HEMK2: variants seen among roughly 807,000 people sequenced by gnomAD.
HEMK2 encodes the protein methyltransferase HEMK2.
At chr21:28,730,915 G>A in the HEMK2 span, among the ~76,000 whole-genome samples, 34 of 152,148 alleles carry the variant, frequency 2.2e-4, no homozygotes, top group Middle Eastern at 3.4e-3. Flanking sequence ...GCAGCCCACC[G>A]TGACAGACAA....
the HEMK2 span, among the ~76,000 whole-genome samples, chr21:28,690,405 C>A: frequency 1.8e-3 from 268 of 152,318 alleles, 1 homozygote; most frequent in African/African-American, 6.2e-3. Context: ...AAGAGCCCAG[C>A]TGACCAGCAA....
chr21:28,680,162 A>G, the HEMK2 span, among the ~76,000 whole-genome samples: 1 of 152,210 alleles, frequency 6.6e-6, no homozygotes, highest in African/African-American at 2.4e-5. Flanking sequence ...AGCAAGACTA[A>G]TAAAGAAGAA....
chr21:28,642,524 T>A, the HEMK2 span, among the ~76,000 whole-genome samples: 2 of 152,176 alleles, frequency 1.3e-5, no homozygotes, highest in East Asian at 3.9e-4. Context: ...GATGGCCAAG[T>A]ACCAACCAGC....
chr21:28,831,694 G>A, the HEMK2 span, among the ~76,000 whole-genome samples: 122 of 72,118 alleles, frequency 1.7e-3, no homozygotes, highest in Middle Eastern at 7.6e-3. Context: ...AAGGAAGGAA[G>A]GAAGGAAGGA....
chr21:28,721,077 G>A, the HEMK2 span, among the ~76,000 whole-genome samples: 1 of 152,136 alleles, frequency 6.6e-6, no homozygotes, highest in Non-Finnish European at 1.5e-5. Context: ...AAATTGAGAT[G>A]TCGATTTCAG....
At chr21:28,610,516 A>C in the HEMK2 span, among the ~76,000 whole-genome samples, 2 of 152,202 alleles carry the variant, frequency 1.3e-5, no homozygotes, top group Non-Finnish European at 2.9e-5. Flanking sequence ...ATATTCAGGC[A>C]ACAAATAACA....
the HEMK2 span, among the ~76,000 whole-genome samples, chr21:28,783,919 G>A: frequency 2.0e-5 from 3 of 152,228 alleles, no homozygotes; most frequent in Non-Finnish European, 2.9e-5. Context: ...TGCAGAGGGT[G>A]CGCCAGGTCC....
chr21:28,777,991 A>T, the HEMK2 span, among the ~76,000 whole-genome samples: 2 of 152,258 alleles, frequency 1.3e-5, no homozygotes, highest in Non-Finnish European at 1.5e-5. Context: ...AGTAGTAGAA[A>T]AGAATTGTCA....
the HEMK2 span, among the ~76,000 whole-genome samples, chr21:28,688,363 T>C: frequency 1.2e-4 from 18 of 152,224 alleles, no homozygotes; most frequent in Non-Finnish European, 2.1e-4. Flanking sequence ...GAACAATTTA[T>C]AGGAAACATA....
At chr21:28,769,765 G>A in the HEMK2 span, among the ~76,000 whole-genome samples, 8 of 152,184 alleles carry the variant, frequency 5.3e-5, no homozygotes, top group East Asian at 1.6e-3. Flanking sequence ...AAGTTATCTA[G>A]GTTATCTTGG....
At chr21:28,640,686 C>T in the HEMK2 span, among the ~76,000 whole-genome samples, 1 of 149,322 alleles carries the variant, frequency 6.7e-6, no homozygotes, top group Admixed American at 6.7e-5. Context: ...GATGTCTGAT[C>T]TAGGCTTCAA....
At chr21:28,695,336 G>A in the HEMK2 span, among the ~76,000 whole-genome samples, 2 of 152,068 alleles carry the variant, frequency 1.3e-5, no homozygotes, top group Non-Finnish European at 2.9e-5. Flanking sequence ...GGTTGTGGGG[G>A]CAGATCTCTC....
the HEMK2 span, among the ~76,000 whole-genome samples, chr21:28,753,965 C>A: frequency 2.6e-5 from 4 of 152,120 alleles, no homozygotes; most frequent in South Asian, 8.3e-4. Context: ...GCTCTCTTTT[C>A]ATCTGTTTTT....
chr21:28,852,279 G>A, the HEMK2 span, among the ~76,000 whole-genome samples: 2 of 152,232 alleles, frequency 1.3e-5, no homozygotes, highest in Admixed American at 1.3e-4. Context: ...GCCAATGTGT[G>A]GGTTCTGCCA....
the HEMK2 span, among the ~76,000 whole-genome samples, chr21:28,765,683 C>A: frequency 1.3e-5 from 2 of 151,894 alleles, no homozygotes; most frequent in South Asian, 4.2e-4. Flanking sequence ...CTGGTAATAG[C>A]CAGATATGAG....
At chr21:28,696,827 C>T in the HEMK2 span, among the ~76,000 whole-genome samples, 2,549 of 152,322 alleles carry the variant, frequency 0.017, 73 homozygotes, top group African/African-American at 0.057. Context: ...GACCTCTGTA[C>T]ACCTGCAGGC....
the HEMK2 span, among the ~76,000 whole-genome samples, chr21:28,594,865 A>G: frequency 6.6e-6 from 1 of 152,216 alleles, no homozygotes; most frequent in Non-Finnish European, 1.5e-5. Flanking sequence ...ATATTGCTGC[A>G]TCGTTCACAA....
At chr21:28,787,032 A>G in the HEMK2 span, among the ~76,000 whole-genome samples, 1 of 152,260 alleles carries the variant, frequency 6.6e-6, no homozygotes, top group East Asian at 1.9e-4. Flanking sequence ...CCAATGGAAC[A>G]GAAGAGAGAA....
the HEMK2 span, among the ~76,000 whole-genome samples, chr21:28,865,238 T>C: frequency 6.6e-6 from 1 of 152,356 alleles, no homozygotes; most frequent in African/African-American, 2.4e-5. Flanking sequence ...CAATCTCCAC[T>C]CACTGCAACC....
Sources: allele counts gnomAD v4.1 joint callset (sites outside exome capture counted in the v4.1 genomes callset), GRCh38; gene constraint gnomAD v4.1.1; transcripts MANE v1.5; gene names NCBI Gene and HGNC (gene_info 2026-07-23, HGNC 2026-07-21).